KCNAB1: variants seen among roughly 807,000 people sequenced by gnomAD.
KCNAB1 encodes potassium voltage-gated channel subfamily A regulatory beta subunit 1.
KCNAB1 carries 35 observed loss-of-function variants against 64.6 expected under a neutral mutation model. The observed-to-expected ratio is 0.54, with a 90% CI of 0.41 to 0.72. KCNAB1 has a LOEUF of 0.72. Ranked by LOEUF, KCNAB1 falls within the 30% of genes least tolerant of loss-of-function variation. The probability of loss-of-function intolerance (pLI) is 0.00; values close to 1 mark genes in which losing one functional copy is unlikely to be tolerated. For synonymous variants in KCNAB1, 177 were observed against 183.8 expected (o/e 0.96, Z 0.30); for missense variants, 401 against 512.9 (o/e 0.78, Z 2.11).
intron 2 of KCNAB1, among the ~76,000 whole-genome samples, chr3:156,434,897 G>T (rs1559882980): frequency 6.6e-6 from 1 of 152,082 alleles, no homozygotes; most frequent in Admixed American, 6.6e-5. Context: ...AGAGAAGATG[G>T]TACTGTTTTA....
At chr3:156,167,065 G>A (rs1053744228) in intron 1 of KCNAB1, among the ~76,000 whole-genome samples, 2 of 152,164 alleles carry the variant, frequency 1.3e-5, no homozygotes, top group African/African-American at 4.8e-5. Flanking sequence ...ACAAGACAGA[G>A]TCCATGGGAC....
At chr3:156,382,829 T>C (rs891480759) in intron 1 of KCNAB1, among the ~76,000 whole-genome samples, 1 of 152,206 alleles carries the variant, frequency 6.6e-6, no homozygotes, top group African/African-American at 2.4e-5. Flanking sequence ...CAGAGCACCC[T>C]GCCTACCTGC....
At chr3:156,372,015 C>T (rs565246359) in intron 1 of KCNAB1, among the ~76,000 whole-genome samples, 1 of 152,044 alleles carries the variant, frequency 6.6e-6, no homozygotes, top group Non-Finnish European at 1.5e-5. Context: ...AGTCATCAGC[C>T]GTCGCCCGAG....
intron 1 of KCNAB1, among the ~76,000 whole-genome samples, chr3:156,137,979 G>A (rs2108274385): frequency 6.6e-6 from 1 of 152,260 alleles, no homozygotes; most frequent in East Asian, 1.9e-4. Flanking sequence ...TAGCCTCAGT[G>A]ATTGCCTCTA....
intron 1 of KCNAB1, among the ~76,000 whole-genome samples, chr3:156,163,071 T>A (rs982112229): frequency 6.6e-6 from 1 of 152,348 alleles, no homozygotes; most frequent in Admixed American, 6.5e-5. Context: ...GAAAGTAAGA[T>A]TCACACTATG....
chr3:156,388,473 T>A (rs899651928), intron 1 of KCNAB1, among the ~76,000 whole-genome samples: 1 of 152,188 alleles, frequency 6.6e-6, no homozygotes, highest in Non-Finnish European at 1.5e-5. Flanking sequence ...CCTAATAATA[T>A]TCTAACACCA....
At chr3:156,398,723 TTA>T (rs367564252) in intron 1 of KCNAB1, among the ~76,000 whole-genome samples, 130 of 149,030 alleles carry the variant, frequency 8.7e-4, no homozygotes, top group Middle Eastern at 3.5e-3. Flanking sequence ...GAACTTAAAG[TTA>T]TATATATATA....
intron 1 of KCNAB1, among the ~76,000 whole-genome samples, chr3:156,134,301 T>C (rs1285732354): frequency 2.0e-5 from 3 of 152,232 alleles, no homozygotes; most frequent in African/African-American, 7.2e-5. Context: ...TCTATTATTT[T>C]TTCTGTATCC....
chr3:156,454,249 C>T (rs1360556289), intron 3 of KCNAB1, among the ~76,000 whole-genome samples: 1 of 152,222 alleles, frequency 6.6e-6, no homozygotes, highest in Non-Finnish European at 1.5e-5. Flanking sequence ...AAGAAAGCAG[C>T]ACTGGGCAGA....
chr3:156,365,613 G>A (rs73873335), intron 1 of KCNAB1, among the ~76,000 whole-genome samples: 2,399 of 152,104 alleles, frequency 0.016, 64 homozygotes, highest in African/African-American at 0.053. Flanking sequence ...TTACCTTTGC[G>A]TCTAGGCTCC....
At chr3:156,200,362 T>A (rs959971994) in intron 1 of KCNAB1, among the ~76,000 whole-genome samples, 15 of 152,320 alleles carry the variant, frequency 9.8e-5, no homozygotes, top group African/African-American at 3.6e-4. Context: ...TGCTGGGAGA[T>A]CCACTGCTCT....
chr3:156,535,729 G>C (rs184929321), intron 13 of KCNAB1, among the ~76,000 whole-genome samples: 1 of 152,230 alleles, frequency 6.6e-6, no homozygotes, highest in East Asian at 1.9e-4. Context: ...ATGTCTCTCA[G>C]GTCCACTTTT....
intron 1 of KCNAB1, among the ~76,000 whole-genome samples, chr3:156,287,798 T>TA (rs74496136): frequency 0.032 from 4,413 of 138,004 alleles, 207 homozygotes; most frequent in South Asian, 0.22. Flanking sequence ...GACTCCATCT[T>TA]AAAAAAAAAA....
chr3:156,186,991 A>G (rs1440537520), intron 1 of KCNAB1, among the ~76,000 whole-genome samples: 1 of 151,894 alleles, frequency 6.6e-6, no homozygotes, highest in Non-Finnish European at 1.5e-5. Flanking sequence ...AGCTGGGACC[A>G]CAGGTGTGCA....
intron 1 of KCNAB1, among the ~76,000 whole-genome samples, chr3:156,150,830 G>T (rs1424990786): frequency 6.6e-6 from 1 of 152,088 alleles, no homozygotes; most frequent in Non-Finnish European, 1.5e-5. Context: ...AATTAAAAAG[G>T]TAAGACCAGC....
chr3:156,147,960 C>CA (rs200388168), intron 1 of KCNAB1, among the ~76,000 whole-genome samples: 1 of 113,496 alleles, frequency 8.8e-6, no homozygotes, highest in Non-Finnish European at 1.8e-5. Context: ...CACACACACA[C>CA]GCACGCACAC....
intron 12 of KCNAB1, among the ~76,000 whole-genome samples, chr3:156,528,931 G>A (rs1322943926): frequency 1.3e-5 from 2 of 152,178 alleles, no homozygotes; most frequent in Admixed American, 1.3e-4. Flanking sequence ...TTTGTGTTTA[G>A]AGAGACTGCT....
intron 1 of KCNAB1, among the ~76,000 whole-genome samples, chr3:156,409,610 A>G (rs1281691621): frequency 2.6e-5 from 4 of 152,142 alleles, no homozygotes; most frequent in Non-Finnish European, 5.9e-5. Flanking sequence ...TTTTATATCA[A>G]ATAAAATCAG....
intron 1 of KCNAB1, among the ~76,000 whole-genome samples, chr3:156,209,109 A>G (rs965927072): frequency 2.6e-5 from 4 of 152,242 alleles, no homozygotes; most frequent in East Asian, 1.9e-4. Flanking sequence ...GTAAATTTGT[A>G]TACAATCACA....
Sources: gnomAD v4.1 joint callset for allele counts (sites outside exome capture counted in the v4.1 genomes callset) on GRCh38, gnomAD v4.1.1 for gene constraint, MANE v1.5 for transcripts, NCBI Gene and HGNC (gene_info 2026-07-23, HGNC 2026-07-21) for gene names.